Variants in ACTL8 observed in about 807,000 individuals in gnomAD.
The protein encoded by ACTL8 is actin like 8.
ACTL8 carries 3 observed loss-of-function variants against 9.3 expected under a neutral mutation model. That is an observed-to-expected ratio of 0.32 (90% CI 0.15 to 0.83). The LOEUF is 0.83. ACTL8 is among the 40% of genes least tolerant of loss of function. The probability of loss-of-function intolerance (pLI) is 0.57; values close to 1 mark genes in which losing one functional copy is unlikely to be tolerated. For missense variants in ACTL8, 381 were observed against 492.2 expected, an observed-to-expected ratio of 0.77 and a Z score of 2.14; for synonymous variants, 224 against 205.9, an observed-to-expected ratio of 1.09 and a Z score of -0.75.
At chr1:17,765,028 G>A (rs1280449541) in intron 1 of ACTL8, among the ~76,000 whole-genome samples, 4 of 152,214 alleles carry the variant, frequency 2.6e-5, no homozygotes, top group African/African-American at 9.6e-5. Context: ...ACTGTGCAGC[G>A]GTTGGGGGCT....
chr1:17,756,144 G>C (rs1401220979), intron 1 of ACTL8, among the ~76,000 whole-genome samples: 2 of 152,000 alleles, frequency 1.3e-5, no homozygotes, highest in Non-Finnish European at 2.9e-5. Flanking sequence ...TGGGTAGGGG[G>C]CCCCTTCCTT....
intron 1 of ACTL8, among the ~76,000 whole-genome samples, chr1:17,798,879 C>T (rs2102691472): frequency 6.6e-6 from 1 of 152,334 alleles, no homozygotes; most frequent in African/African-American, 2.4e-5. Context: ...CCTTAACCGA[C>T]ATCACTAGTC....
At chr1:17,761,884 A>G (rs2066008843) in intron 1 of ACTL8, among the ~76,000 whole-genome samples, 1 of 151,498 alleles carries the variant, frequency 6.6e-6, no homozygotes, top group Non-Finnish European at 1.5e-5. Context: ...TTCTTAACAC[A>G]TGACTTAGCT....
At chr1:17,760,935 C>T (rs1474703627) in intron 1 of ACTL8, among the ~76,000 whole-genome samples, 2 of 152,068 alleles carry the variant, frequency 1.3e-5, no homozygotes, top group African/African-American at 2.4e-5. Flanking sequence ...AAGATGGATC[C>T]GAGGGGGTAA....
chr1:17,820,287 A>G (rs2053645415), intron 1 of ACTL8, among the ~76,000 whole-genome samples: 1 of 152,142 alleles, frequency 6.6e-6, no homozygotes, highest in African/African-American at 2.4e-5. Flanking sequence ...GGCTTCTTTC[A>G]GCCTCGGGCA....
chr1:17,764,207 A>G (rs2066028146), intron 1 of ACTL8, among the ~76,000 whole-genome samples: 1 of 152,048 alleles, frequency 6.6e-6, no homozygotes, highest in African/African-American at 2.4e-5. Context: ...GGTGTGACGC[A>G]AGGGGTGGGT....
intron 1 of ACTL8, among the ~76,000 whole-genome samples, chr1:17,815,418 T>C (rs1400984755): frequency 2.6e-5 from 4 of 152,172 alleles, no homozygotes; most frequent in South Asian, 4.1e-4. Context: ...TTTTGCTGGG[T>C]ATAGAATTCT....
intron 1 of ACTL8, among the ~76,000 whole-genome samples, chr1:17,812,557 G>A (rs1317075032): frequency 6.7e-6 from 1 of 149,524 alleles, no homozygotes; most frequent in East Asian, 2.0e-4. Flanking sequence ...AGCCTCCCAA[G>A]AAGCTGCGAC....
At chr1:17,779,868 G>A (rs1036014507) in intron 1 of ACTL8, among the ~76,000 whole-genome samples, 1 of 152,130 alleles carries the variant, frequency 6.6e-6, no homozygotes, top group East Asian at 1.9e-4. Context: ...CCTGGCTAGG[G>A]GTAAGCACTA....
intron 1 of ACTL8, among the ~76,000 whole-genome samples, chr1:17,781,079 G>A (rs1287001992): frequency 6.6e-6 from 1 of 152,082 alleles, no homozygotes; most frequent in East Asian, 1.9e-4. Context: ...CGAAGGCTCT[G>A]GCAGAGGATC....
At chr1:17,799,525 C>T (rs2066305321) in intron 1 of ACTL8, among the ~76,000 whole-genome samples, 1 of 151,548 alleles carries the variant, frequency 6.6e-6, no homozygotes, top group African/African-American at 2.4e-5. Flanking sequence ...CTAGTATCAT[C>T]TCCCATTTTG....
chr1:17,821,008 T>C (rs925398689), intron 1 of ACTL8, among the ~76,000 whole-genome samples: 1 of 152,314 alleles, frequency 6.6e-6, no homozygotes, highest in African/African-American at 2.4e-5. Flanking sequence ...TACAGAAATA[T>C]CTTGTGATTT....
chr1:17,801,076 G>A (rs529675721), intron 1 of ACTL8, among the ~76,000 whole-genome samples: 1 of 152,284 alleles, frequency 6.6e-6, no homozygotes, highest in South Asian at 2.1e-4. Flanking sequence ...AATAATTCTT[G>A]CACTTCTGTG....
In ACTL8 at chr1:17,826,000, T is replaced by C. The variant is rs781496806; in HGVS notation, c.582T>C (p.Asp194=). The C allele has an allele frequency of 2.5e-6, 4 of 1,607,940 alleles. No individual in the cohort carries two copies. Among genetic ancestry groups the C allele is most frequent in the Admixed American group, 1.7e-5 (1 of 60,004 alleles). The part of the protein sequence containing the change: ...LLKSLFKEDC[D]RRCLFQLETV... ...AGAGTCTCTTTAAGGAAGATTGCGA[T>C]AGACGCTGCCTGTTTCAGCTGGAGA... Residue 194 remains aspartate (D), a synonymous_variant, in exon 3 of 3, where the codon GAT becomes GAC. Transcript: ENST00000375406.
intron 1 of ACTL8, among the ~76,000 whole-genome samples, chr1:17,770,402 G>A (rs2102677961): frequency 6.6e-6 from 1 of 152,300 alleles, no homozygotes; most frequent in East Asian, 1.9e-4. Context: ...TTTATTTGAA[G>A]CCAGTGGGCA....
rs375788887 is a variant in ACTL8 at position 17,825,144 on chromosome 1, G to A, written c.349-623G>A. Among the ~76,000 whole-genome samples the A allele has an allele frequency of 1.8e-4, 27 of 152,198 alleles. No individual in the cohort carries two copies. In the East Asian group the frequency reaches 4.6e-3, roughly 26 times the overall value. On this transcript the variant is annotated intron_variant, in intron 2 of 2. Transcript: ENST00000375406. ...GGAGAAAACCAGCCCAGGGACTCTG[G>A]CAAACCCTAAATACCAGAATTCCGG...
chr1:17,755,936 A>T lies in ACTL8; in HGVS notation c.-25+432A>T, dbSNP rs1400810681. Reference sequence around the variant, plus strand: ...GGGTCTCTTTTTGGGGCTCTATTTCAGTCCTGGGGTGGGGGGCTGTTCCTT... The same window carrying T: ...GGGTCTCTTTTTGGGGCTCTATTTCTGTCCTGGGGTGGGGGGCTGTTCCTT... On this transcript the variant is annotated intron_variant, in intron 1 of 2. Transcript: ENST00000375406. Among the ~76,000 whole-genome samples the T allele has an allele frequency of 2.2e-5, 3 of 134,210 alleles. No homozygotes were observed. The East Asian group carries it at 6.5e-4, about 29-fold the overall frequency. 88.0% of individuals were successfully genotyped at this position (134,210 alleles called of 152,430 possible). A position where few individuals can be genotyped will look rare whatever the true frequency, so the allele number is the denominator to read the frequency against.
At chr1:17,812,684 G>A (rs183109410) in intron 1 of ACTL8, among the ~76,000 whole-genome samples, 104 of 151,328 alleles carry the variant, frequency 6.9e-4, no homozygotes, top group African/African-American at 2.4e-3. Context: ...GTAGAGATGG[G>A]GTTTCACTGT....
intron 1 of ACTL8, among the ~76,000 whole-genome samples, chr1:17,800,201 C>T (rs952974411): frequency 6.6e-6 from 1 of 152,194 alleles, no homozygotes; most frequent in African/African-American, 2.4e-5. Flanking sequence ...GTTAACATGA[C>T]AGTTTCCCTT....
Sources: allele counts gnomAD v4.1 joint callset (sites outside exome capture counted in the v4.1 genomes callset), GRCh38; gene constraint gnomAD v4.1.1; transcripts MANE v1.5; gene names NCBI Gene and HGNC (gene_info 2026-07-23, HGNC 2026-07-21).